The following GPC6 variants were observed in gnomAD, a reference collection of about 807,000 sequenced individuals.
GPC6 encodes the protein glypican-6.
In GPC6, 14 loss-of-function variants were observed where a neutral mutation model predicts 55.2. That is an observed-to-expected ratio of 0.25 (90% CI 0.17 to 0.40). The LOEUF (loss-of-function observed/expected upper bound fraction) is 0.40, where lower values mean the gene tolerates loss of function less well. Ranked by LOEUF, GPC6 falls within the 10% of genes least tolerant of loss-of-function variation. The pLI, the probability that GPC6 is intolerant of heterozygous loss-of-function variation, is 1.00. For synonymous variants in GPC6, 278 were observed against 259.6 expected, an observed-to-expected ratio of 1.07 and a Z score of -0.68; for missense variants, 641 against 708.5, an observed-to-expected ratio of 0.90 and a Z score of 1.08.
At chr13:93,276,950 G>A (rs528010689) in intron 1 of GPC6, among the ~76,000 whole-genome samples, 6 of 152,204 alleles carry the variant, frequency 3.9e-5, no homozygotes, top group Admixed American at 2.6e-4. Context: ...ATAAAACCCT[G>A]TATTTCGACA....
At chr13:93,406,818 C>T (rs187713642) in intron 1 of GPC6, among the ~76,000 whole-genome samples, 29 of 152,092 alleles carry the variant, frequency 1.9e-4, no homozygotes, top group Admixed American at 4.6e-4. Context: ...CAGAGAAGTA[C>T]GGAGCATGAG....
rs568262864 is a variant in GPC6 at position 94,308,301 on chromosome 13, A to G, written c.1152+2178A>G. Among the ~76,000 whole-genome samples the G allele has an allele frequency of 6.2e-4, 95 of 152,324 alleles. 1 individual carries two copies. Among genetic ancestry groups the G allele is most frequent in the African/African-American group, 2.2e-3 (90 of 41,568 alleles). ...AACTAAGTAAAGCATCAACACTTCG[A>G]GAATTTTCTCTGGTGTTTAAAATCT... On this transcript the variant is annotated intron_variant, in intron 6 of 8. Coordinates refer to ENST00000377047, the MANE Select transcript of GPC6 (RefSeq NM_005708.5).
At chr13:93,541,176 T>TC (rs1434355457) in intron 1 of GPC6, among the ~76,000 whole-genome samples, 18 of 87,732 alleles carry the variant, frequency 2.1e-4, no homozygotes, top group African/African-American at 7.4e-4. Flanking sequence ...CCCTCCCCCC[T>TC]CCCCCCACCC....
At chr13:94,176,951 T>C (rs999600577) in intron 4 of GPC6, among the ~76,000 whole-genome samples, 2 of 152,204 alleles carry the variant, frequency 1.3e-5, no homozygotes, top group South Asian at 2.1e-4. Flanking sequence ...CCATAAGTAC[T>C]ACCCTAAGCG....
intron 4 of GPC6, among the ~76,000 whole-genome samples, chr13:94,059,377 C>G (rs1884244421): frequency 6.6e-6 from 1 of 152,046 alleles, no homozygotes; most frequent in African/African-American, 2.4e-5. Context: ...CTTCTCCTAT[C>G]TTTCCTCAGC....
chr13:93,759,166 T>A (rs1453584372), intron 2 of GPC6, among the ~76,000 whole-genome samples: 2 of 152,170 alleles, frequency 1.3e-5, no homozygotes. Flanking sequence ...TGGTCTGTTG[T>A]ATATTTGCTG....
intron 2 of GPC6, among the ~76,000 whole-genome samples, chr13:93,654,681 A>G (rs1880575039): frequency 1.3e-5 from 2 of 152,148 alleles, no homozygotes; most frequent in African/African-American, 4.8e-5. Flanking sequence ...TCAAATTTCA[A>G]CGTGGCAAAT....
At chr13:93,557,903 A>G (rs1475420170) in intron 2 of GPC6, among the ~76,000 whole-genome samples, 1 of 152,030 alleles carries the variant, frequency 6.6e-6, no homozygotes, top group Non-Finnish European at 1.5e-5. Context: ...TAAATTAGGC[A>G]TTTCTTATTT....
chr13:93,640,899 T>C (rs9524156), intron 2 of GPC6, among the ~76,000 whole-genome samples: 112,342 of 145,898 alleles, frequency 0.77, 46,371 homozygotes, highest in Non-Finnish European at 0.93. Flanking sequence ...TTTTTTCTGC[T>C]TTTCCTTCCT....
intron 4 of GPC6, among the ~76,000 whole-genome samples, chr13:94,028,297 A>T (rs1882982348): frequency 6.6e-6 from 1 of 151,922 alleles, no homozygotes. Flanking sequence ...ACTTTTAGAG[A>T]CTAGGATGGT....
At chr13:94,325,129 GA>G (rs1486388505) in intron 6 of GPC6, among the ~76,000 whole-genome samples, 2 of 151,920 alleles carry the variant, frequency 1.3e-5, no homozygotes, top group African/African-American at 4.8e-5. Flanking sequence ...TTGGGGAAAA[GA>G]AAAGGGAAGG....
intron 4 of GPC6, chr13:94,187,012 A>G (rs987054597): frequency 6.6e-6 from 1 of 152,226 alleles, no homozygotes; most frequent in Non-Finnish European, 1.5e-5. Flanking sequence ...AAAATTCCAG[A>G]TTATTAGCAT....
In GPC6 at chr13:94,247,041, T is replaced by G. The variant is rs567240269; in HGVS notation, c.878-39308T>G. Among the ~76,000 whole-genome samples the G allele has an allele frequency of 3.9e-5, 6 of 152,258 alleles. No individual in the cohort carries two copies. The South Asian group carries it at 1.2e-3, about 32-fold the overall frequency. The stretch of plus-strand genomic sequence containing the variant: ...TCCTCTTCAATTTCTTTCATCAATG[T>G]TTTATGGGGTTTAATGTACAGGTCT... On this transcript the variant is annotated intron_variant, in intron 4 of 8. Transcript: ENST00000377047.
chr13:93,972,945 GTCTT>G (rs1486807699), intron 3 of GPC6, among the ~76,000 whole-genome samples: 1 of 136,708 alleles, frequency 7.3e-6, no homozygotes, highest in African/African-American at 2.7e-5. Context: ...CTCTCTCTCT[GTCTT>G]TCTCTCTCTC....
intron 4 of GPC6, among the ~76,000 whole-genome samples, chr13:94,103,282 A>G (rs914723339): frequency 6.6e-6 from 1 of 152,094 alleles, no homozygotes; most frequent in Admixed American, 6.6e-5. Flanking sequence ...AATCCAGTCA[A>G]TCATTGATGG....
At chr13:94,103,578 C>A (rs889757757) in intron 4 of GPC6, among the ~76,000 whole-genome samples, 2 of 152,208 alleles carry the variant, frequency 1.3e-5, no homozygotes, top group Non-Finnish European at 2.9e-5. Flanking sequence ...GATCACCATT[C>A]TAACTGGTGT....
At chr13:94,370,895 T>G (rs1258148481) in intron 6 of GPC6, among the ~76,000 whole-genome samples, 2 of 152,250 alleles carry the variant, frequency 1.3e-5, no homozygotes, top group Non-Finnish European at 2.9e-5. Context: ...TTATTTCTAT[T>G]TTGTAATGTT....
intron 4 of GPC6, among the ~76,000 whole-genome samples, chr13:94,146,754 C>T (rs967608278): frequency 2.6e-5 from 4 of 151,980 alleles, no homozygotes; most frequent in African/African-American, 9.7e-5. Flanking sequence ...AAAAGTGATA[C>T]CAAAAGGCAA....
At chr13:93,707,119 C>A (rs1882879102) in intron 2 of GPC6, among the ~76,000 whole-genome samples, 1 of 151,590 alleles carries the variant, frequency 6.6e-6, no homozygotes, top group African/African-American at 2.4e-5. Context: ...CCTATAATTT[C>A]AAATTTAAAA....
Sources: gnomAD v4.1 joint callset for allele counts (sites outside exome capture counted in the v4.1 genomes callset) on GRCh38, gnomAD v4.1.1 for gene constraint, MANE v1.5 for transcripts, NCBI Gene and HGNC (gene_info 2026-07-23, HGNC 2026-07-21) for gene names.